DMD: variants seen among roughly 807,000 people sequenced by gnomAD.
DMD encodes the protein mutant dystrophin.
Under a neutral mutation model 330.1 loss-of-function variants are expected in DMD, and 63 were observed. The ratio of observed to expected loss-of-function variants is 0.19; its 90% confidence interval spans 0.16 to 0.24. The LOEUF is 0.24. Among genes scored for constraint, DMD ranks in the 10% least tolerant of loss-of-function variants. The pLI is 1.00. For missense variants in DMD, 3,344 were observed against 2,684.1 expected (o/e 1.25, Z -5.43); for synonymous variants, 1,223 against 959.8 (o/e 1.27, Z -5.07).
chrX:32,652,434 G>A (rs1012228846), intron 9 of DMD, among the ~76,000 whole-genome samples: 1 of 109,116 alleles, frequency 9.2e-6, no homozygotes, highest in Non-Finnish European at 1.9e-5. Flanking sequence ...ATGGTCTCCA[G>A]CTTCATCCAT....
At chrX:31,973,067 T>C (rs1407096364) in intron 44 of DMD, among the ~76,000 whole-genome samples, 1 of 111,502 alleles carries the variant, frequency 9.0e-6, no homozygotes, top group African/African-American at 3.3e-5. Context: ...TATCGGATGA[T>C]GGATTTTTGT....
intron 63 of DMD, among the ~76,000 whole-genome samples, chrX:31,228,104 T>C (rs1225182330): frequency 1.5e-5 from 1 of 68,668 alleles, no homozygotes; most frequent in Non-Finnish European, 2.6e-5. Flanking sequence ...CTGGGGACTG[T>C]GGTGGGGTGG....
intron 1 of DMD, among the ~76,000 whole-genome samples, chrX:33,109,747 T>C (rs1254651176): frequency 1.8e-5 from 2 of 111,213 alleles, no homozygotes; most frequent in Admixed American, 1.9e-4. Flanking sequence ...GTAGATGTTG[T>C]TTGAAATAAT....
rs768882036 is a variant in DMD at position 32,231,636 on chromosome X, T to C, written c.6291-14573A>G. On this transcript the variant is annotated intron_variant, in intron 43 of 78. Transcript: ENST00000357033. Reference sequence around the variant, plus strand: ...TTATTCTAAACGGGAAATTCTATTTTCTCTCTTACTACTATTCTACTTTCT... The same window carrying C: ...TTATTCTAAACGGGAAATTCTATTTCCTCTCTTACTACTATTCTACTTTCT... 4.5e-5 allele frequency among the ~76,000 whole-genome samples: 5 copies of C among 112,048 alleles called. No homozygotes were observed. In the East Asian group the frequency reaches 1.4e-3, roughly 31 times the overall value.
chrX:32,409,510 AAC>A (rs1299428040), intron 30 of DMD, among the ~76,000 whole-genome samples: 2 of 111,644 alleles, frequency 1.8e-5, no homozygotes, highest in African/African-American at 6.5e-5. Context: ...AATAAGAAAA[AAC>A]ACACAGTGCC....
At chrX:32,442,146 C>T (rs762951607) in intron 27 of DMD, among the ~76,000 whole-genome samples, 18 of 110,296 alleles carry the variant, frequency 1.6e-4, no homozygotes, top group African/African-American at 5.9e-4. Flanking sequence ...TAAGACATCT[C>T]GTAAAAAACT....
chrX:33,062,390 A>G (rs1274774893), intron 1 of DMD, among the ~76,000 whole-genome samples: 1 of 110,707 alleles, frequency 9.0e-6, no homozygotes, highest in African/African-American at 3.4e-5. Flanking sequence ...TTTAACTCTC[A>G]TTATGCATAA....
chrX:31,848,732 G>A (rs1232490272), intron 48 of DMD, among the ~76,000 whole-genome samples: 2 of 110,394 alleles, frequency 1.8e-5, no homozygotes, highest in African/African-American at 6.6e-5. Context: ...AGAATTTCAT[G>A]GTCTCTTCTG....
intron 7 of DMD, among the ~76,000 whole-genome samples, chrX:32,724,806 CTCA>C (rs1202954078): frequency 1.8e-5 from 2 of 111,751 alleles, no homozygotes; most frequent in Non-Finnish European, 3.8e-5. Context: ...AGCTCTTTTT[CTCA>C]TCATATTATA....
At chrX:31,430,577 G>T (rs754527910) in intron 60 of DMD, among the ~76,000 whole-genome samples, 10 of 110,909 alleles carry the variant, frequency 9.0e-5, no homozygotes, top group Non-Finnish European at 1.3e-4. Flanking sequence ...GACTCTGAAA[G>T]AAAATTTTTA....
intron 1 of DMD, among the ~76,000 whole-genome samples, chrX:33,218,100 C>T (rs1292506191): frequency 1.8e-5 from 2 of 111,312 alleles, no homozygotes; most frequent in Admixed American, 9.6e-5. Context: ...AAGTTGAGGA[C>T]GTTCTCCTCC....
rs769916316 is a variant in DMD at position 31,266,841 on chromosome X, C to A, written c.9225-5825G>T. The A allele has an allele frequency of 7.5e-6, 9 of 1,204,510 alleles. No individual in the cohort carries two copies. In the East Asian group the frequency reaches 2.4e-4, roughly 32 times the overall value. Reference sequence around the variant, plus strand: ...AGCTGTTCCCTCATGGCTGCAAGGGCTCCGCGGTCGAGTGTGGGTACGAGT... The same window carrying A: ...AGCTGTTCCCTCATGGCTGCAAGGGATCCGCGGTCGAGTGTGGGTACGAGT... On this transcript the variant is annotated intron_variant, in intron 62 of 78. Coordinates refer to ENST00000357033, the MANE Select transcript of DMD (RefSeq NM_004006.3).
intron 52 of DMD, among the ~76,000 whole-genome samples, chrX:31,711,963 T>C (rs896297956): frequency 9.0e-6 from 1 of 111,218 alleles, no homozygotes; most frequent in African/African-American, 3.3e-5. Context: ...ATATATAGTA[T>C]ATACATATAC....
chrX:32,713,932 T>G lies in DMD; in HGVS notation c.650-14639A>C, dbSNP rs760628388. On this transcript the variant is annotated intron_variant, in intron 7 of 78. Transcript: ENST00000357033. ...GCCTTCCTTAAACATGCAAGAACACTTACATTAGCCTATACTTTGGCAAAA... is the reference window on the plus strand; with the variant it reads ...GCCTTCCTTAAACATGCAAGAACACGTACATTAGCCTATACTTTGGCAAAA... 1.2e-3 allele frequency among the ~76,000 whole-genome samples: 135 copies of G among 111,917 alleles called. 1 individual carries two copies. Among genetic ancestry groups the G allele is most frequent in the Non-Finnish European group, 1.9e-3 (100 of 53,158 alleles).
intron 18 of DMD, among the ~76,000 whole-genome samples, chrX:32,509,256 T>A (rs188169906): frequency 1.7e-3 from 189 of 109,489 alleles, no homozygotes; most frequent in African/African-American, 6.0e-3. Flanking sequence ...TCCTGGGATC[T>A]GGCCACCCAT....
Position 32,831,550 on chromosome X carries a change from T to G in DMD, c.265-8163A>C, listed in dbSNP as rs185709293. Among the ~76,000 whole-genome samples the G allele has an allele frequency of 9.2e-5, 10 of 108,663 alleles. No homozygotes were observed. In the East Asian group the frequency reaches 2.9e-3, roughly 31 times the overall value. The allele number at this position is 108,663 out of a possible 115,157, so 94.4% of individuals were successfully genotyped here. On this transcript the variant is annotated intron_variant, in intron 4 of 78. Coordinates refer to ENST00000357033, the MANE Select transcript of DMD (RefSeq NM_004006.3). ...CTTGAAAATAATTTCAATAACCAAG[T>G]CAAATAATGAAAATGGAAGTTCTTA...
In DMD at chrX:32,134,693, A is replaced by G. The variant is rs765038507; in HGVS notation, c.6438+82223T>C. Among the ~76,000 whole-genome samples the G allele has an allele frequency of 8.9e-5, 10 of 111,856 alleles. No individual in the cohort carries two copies. In the South Asian group the frequency reaches 3.8e-3, roughly 42 times the overall value. On this transcript the variant is annotated intron_variant, in intron 44 of 78. Coordinates refer to ENST00000357033, the MANE Select transcript of DMD (RefSeq NM_004006.3). ...CTTTCTTCCAGCGCTATATTATTTC[A>G]AAGGGTCACTGGTTACTTCATGGGA...
intron 25 of DMD, among the ~76,000 whole-genome samples, chrX:32,455,266 C>A (rs770488728): frequency 2.6e-4 from 29 of 111,044 alleles, no homozygotes; most frequent in African/African-American, 9.4e-4. Flanking sequence ...CAGAAACTCT[C>A]ATAAATTAAA....
intron 1 of DMD, among the ~76,000 whole-genome samples, chrX:33,236,686 G>A (rs1416129568): frequency 1.8e-5 from 2 of 110,919 alleles, no homozygotes; most frequent in East Asian, 5.7e-4. Context: ...TACACAAAAA[G>A]CTGGCAGAAG....
Sources: gnomAD v4.1 joint callset for allele counts (sites outside exome capture counted in the v4.1 genomes callset) on GRCh38, gnomAD v4.1.1 for gene constraint, MANE v1.5 for transcripts, NCBI Gene and HGNC (gene_info 2026-07-23, HGNC 2026-07-21) for gene names.